The following CGNL1 variants were observed in gnomAD, a reference collection of about 807,000 sequenced individuals.
CGNL1 encodes cingulin like 1, also known as cingulin-like protein 1.
In CGNL1, 132 loss-of-function variants were observed where a neutral mutation model predicts 141.2. The ratio of observed to expected loss-of-function variants is 0.93; its 90% CI spans 0.81 to 1.08. The LOEUF (loss-of-function observed/expected upper bound fraction) is 1.08, where lower values mean the gene tolerates loss of function less well. Among genes scored for constraint, CGNL1 ranks in the 50% least tolerant of loss-of-function variants. The pLI is 0.00. For synonymous variants in CGNL1, 690 were observed against 622.1 expected, an observed-to-expected ratio of 1.11 and a Z score of -1.63; for missense variants, 1,870 against 1,588.6, an observed-to-expected ratio of 1.18 and a Z score of -3.01.
At chr15:57,503,188 G>C (rs1429198469) in intron 8 of CGNL1, among the ~76,000 whole-genome samples, 1 of 152,224 alleles carries the variant, frequency 6.6e-6, no homozygotes, top group African/African-American at 2.4e-5. Flanking sequence ...AGGCTCTCCA[G>C]ATCCTCAATA....
chr15:57,411,140 G>T (rs1328714110), intron 1 of CGNL1, among the ~76,000 whole-genome samples: 1 of 152,064 alleles, frequency 6.6e-6, no homozygotes, highest in Non-Finnish European at 1.5e-5. Context: ...TCATATGTTG[G>T]ACTCCATCCA....
chr15:57,545,196 AGCGTGGTGTGCCG>A (rs1421762630), intron 16 of CGNL1, among the ~76,000 whole-genome samples: 1 of 152,140 alleles, frequency 6.6e-6, no homozygotes, highest in Non-Finnish European at 1.5e-5. Flanking sequence ...TCCTAGAAGG[AGCGTGGTGTGCCG>A]GCATTTGACA....
At chr15:57,533,017 G>A (rs570596177) in intron 14 of CGNL1, among the ~76,000 whole-genome samples, 3 of 152,304 alleles carry the variant, frequency 2.0e-5, no homozygotes, top group South Asian at 4.2e-4. Context: ...CCAGAGCTTG[G>A]GGATAGCACC....
intron 1 of CGNL1, among the ~76,000 whole-genome samples, chr15:57,409,958 G>A (rs138524272): frequency 5.6e-4 from 85 of 152,058 alleles, no homozygotes; most frequent in African/African-American, 2.0e-3. Flanking sequence ...CGCCCTTTCT[G>A]AGCCTGAGAG....
At chr15:57,412,924 A>T (rs1427385923) in intron 1 of CGNL1, among the ~76,000 whole-genome samples, 3 of 151,846 alleles carry the variant, frequency 2.0e-5, no homozygotes, top group African/African-American at 4.8e-5. Context: ...CAGTGGCGCG[A>T]TCTCGGCTCA....
chr15:57,380,063 T>C (rs1664467), intron 1 of CGNL1, among the ~76,000 whole-genome samples: 150,707 of 152,268 alleles, frequency 0.99, 74,607 homozygotes, highest in Middle Eastern at 1. Flanking sequence ...TTTGAGACTC[T>C]GCTCTGTCAC....
chr15:57,536,664 G>A (rs1343555052), intron 14 of CGNL1, among the ~76,000 whole-genome samples: 1 of 152,106 alleles, frequency 6.6e-6, no homozygotes, highest in East Asian at 1.9e-4. Context: ...TTTCCTTTCC[G>A]TCCTCCAAAA....
chr15:57,472,227 A>T (rs11632868), intron 8 of CGNL1, among the ~76,000 whole-genome samples: 3 of 151,882 alleles, frequency 2.0e-5, no homozygotes, highest in African/African-American at 4.8e-5. Flanking sequence ...AGACTGGTCC[A>T]AGCAGAGGAA....
intron 12 of CGNL1, 146 bp downstream of exon 12, chr15:57,524,897 G>A (rs867082227): frequency 1.4e-5 from 11 of 798,900 alleles, no homozygotes; most frequent in East Asian, 8.2e-5. Flanking sequence ...GATGGGTTCC[G>A]TGGGCAAATG....
intron 1 of CGNL1, among the ~76,000 whole-genome samples, chr15:57,389,710 T>G (rs1034145123): frequency 6.6e-6 from 1 of 152,252 alleles, no homozygotes; most frequent in Middle Eastern, 3.2e-3. Flanking sequence ...TCATCGTGTG[T>G]CATTATGTGC....
At chr15:57,464,465 A>C (rs2063484746) in intron 8 of CGNL1, among the ~76,000 whole-genome samples, 1 of 152,198 alleles carries the variant, frequency 6.6e-6, no homozygotes, top group African/African-American at 2.4e-5. Flanking sequence ...TGAGCTCAGC[A>C]TGGTGCCTGG....
At chr15:57,463,085 T>G (rs1339212730) in intron 8 of CGNL1, among the ~76,000 whole-genome samples, 1 of 152,168 alleles carries the variant, frequency 6.6e-6, no homozygotes, top group African/African-American at 2.4e-5. Flanking sequence ...ACCCATATCT[T>G]TATCACCCTT....
At chr15:57,466,948 T>A (rs760138446) in intron 8 of CGNL1, among the ~76,000 whole-genome samples, 17 of 152,082 alleles carry the variant, frequency 1.1e-4, no homozygotes, top group South Asian at 2.1e-4. Context: ...TTTCAGAGTG[T>A]CCAACATACA....
In CGNL1 at chr15:57,400,616, C is replaced by T. The variant is rs554299671; in HGVS notation, c.-16+24049C>T. Among the ~76,000 whole-genome samples, 4 of 152,198 alleles carry T rather than the reference C, an allele frequency of 2.6e-5. No individual in the cohort carries two copies. In the South Asian group the frequency reaches 8.3e-4, roughly 32 times the overall value. On this transcript the variant is annotated intron_variant, in intron 1 of 18. Transcript: ENST00000281282. The stretch of plus-strand genomic sequence containing the variant: ...ATACATGTTTGTGCGGGCATGGTGG[C>T]TCATGCCTGTAATCTCAGCATTTTG...
Position 57,452,245 on chromosome 15 carries a change from A to C in CGNL1, c.2010A>C (p.Gln670His). 4 of 1,614,016 alleles carry C rather than the reference A, an allele frequency of 2.5e-6. No homozygotes were observed. Among genetic ancestry groups the C allele is most frequent in the Non-Finnish European group, 8.5e-7 (1 of 1,179,936 alleles). The change falls in exon 6 of 19, where the codon CAA (glutamine) becomes CAC (histidine). Residue 670 changes from glutamine to histidine, a missense_variant. Physicochemically the swap from Gln to His is conservative, Grantham distance 24 (BLOSUM62 0). Transcript: ENST00000281282. Reference protein sequence around the residue: ...EKVEENSTLQQRLEESEGELR... With the variant: ...EKVEENSTLQHRLEESEGELR... Reference sequence around the variant, plus strand: ...TGGAGGAGAACTCCACATTGCAGCAACGACTGGAAGAAAGTGAAGGGGAGC... The same window carrying C: ...TGGAGGAGAACTCCACATTGCAGCACCGACTGGAAGAAAGTGAAGGGGAGC...
intron 1 of CGNL1, among the ~76,000 whole-genome samples, chr15:57,429,771 T>C (rs1367525972): frequency 3.9e-5 from 6 of 152,224 alleles, no homozygotes; most frequent in African/African-American, 1.2e-4. Context: ...AAAGCCAGCT[T>C]TCTTGTGCCC....
chr15:57,469,155 A>C (rs1397317001), intron 8 of CGNL1, among the ~76,000 whole-genome samples: 1 of 151,846 alleles, frequency 6.6e-6, no homozygotes, highest in Admixed American at 6.6e-5. Flanking sequence ...AGTGGGGAGG[A>C]ATGAGCAGGT....
At chr15:57,465,248 A>G (rs1045002720) in intron 8 of CGNL1, among the ~76,000 whole-genome samples, 6 of 152,158 alleles carry the variant, frequency 3.9e-5, no homozygotes, top group African/African-American at 1.4e-4. Context: ...AGATTATTAA[A>G]TATTTGGAGG....
chr15:57,414,207 G>T (rs1460147748), intron 1 of CGNL1, among the ~76,000 whole-genome samples: 1 of 152,114 alleles, frequency 6.6e-6, no homozygotes, highest in Non-Finnish European at 1.5e-5. Context: ...GGGGCTGCTG[G>T]GCTGGTGGCC....
Sources: allele counts gnomAD v4.1 joint callset (sites outside exome capture counted in the v4.1 genomes callset), GRCh38; gene constraint gnomAD v4.1.1; transcripts MANE v1.5; gene names NCBI Gene and HGNC (gene_info 2026-07-23, HGNC 2026-07-21).